The following FAT1 variants were observed in gnomAD, a reference collection of about 807,000 sequenced individuals.
FAT1 encodes the protein FAT atypical cadherin 1, also known as protocadherin Fat 1.
FAT1 carries 171 observed loss-of-function variants against 329.8 expected under a neutral mutation model. That is an observed-to-expected ratio of 0.52 (90% CI 0.46 to 0.59). The LOEUF (loss-of-function observed/expected upper bound fraction) is 0.59. Ranked by LOEUF, FAT1 falls within the 20% of genes least tolerant of loss-of-function variation. The pLI is 0.00. For synonymous variants in FAT1, 2,233 were observed against 2,228.6 expected (o/e 1.00, Z -0.06); for missense variants, 5,672 against 5,774.4 (o/e 0.98, Z 0.57).
At position 186,611,530 on chromosome 4, in the gene FAT1, C is replaced by T. The variant is rs2126467845; in HGVS notation, c.9709G>A (p.Ala3237Thr). 1 of 1,613,952 alleles carries T rather than the reference C, an allele frequency of 6.2e-7. No individual in the cohort carries two copies. Among genetic ancestry groups the T allele is most frequent in the South Asian group, 1.1e-5 (1 of 91,084 alleles). ...ACAAGAATGTCCTCAGACACGGTGG[C>T]ACCATATTCACGGTACTCAAACACA... ...PPVFEYREYG[A>T]TVSEDILVGT... Residue 3237 changes from alanine to threonine, a missense_variant, in exon 14 of 27, where the codon GCC (alanine) becomes ACC (threonine). By Grantham distance (58) the Ala-to-Thr change is moderately conservative. Transcript: ENST00000441802.
rs1162417164 is a variant in FAT1 at position 186,619,606 on chromosome 4, C to G, written c.6980G>C (p.Ser2327Thr). The G allele has an allele frequency of 6.2e-7, 1 of 1,613,928 alleles. No homozygotes were observed. Among genetic ancestry groups the G allele is most frequent in the Non-Finnish European group, 8.5e-7 (1 of 1,179,892 alleles). The change falls in exon 10 of 27, where the codon AGC becomes ACC. Residue 2327 changes from serine to threonine, a missense_variant. Physicochemically the swap from Ser to Thr is moderately conservative, Grantham distance 58. Transcript: ENST00000441802. ...GISYQMFGNH[S>T]KSHDHFHVDS... ...TACATGAAAATGATCATGACTCTTG[C>G]TGTGATTCCCAAACATCTGGTATGA...
chr4:186,713,088 A>G (rs1043356253), intron 1 of FAT1, among the ~76,000 whole-genome samples: 3 of 151,876 alleles, frequency 2.0e-5, no homozygotes, highest in African/African-American at 7.3e-5. Flanking sequence ...ACATTATACT[A>G]GATACAACTA....
rs2126702037 is a variant in FAT1, at chr4:186,709,164, T to C, written c.664A>G (p.Ile222Val). The change falls in exon 2 of 27, where the codon ATC becomes GTC. Residue 222 changes from isoleucine to valine, a missense_variant. Physicochemically the swap from Ile to Val is conservative, Grantham distance 29 (BLOSUM62 3). Transcript: ENST00000441802. ...YLETKLYEME[I>V]LAADRGMKLY... ...TTCATGCCACGGTCCGCAGCGAGGA[T>C]TTCCATCTCATAGAGCTTGGTCTCT... 6.2e-7 allele frequency: 1 copy of C among 1,613,994 alleles called. No homozygotes were observed. The highest frequency in any genetic ancestry group is 8.5e-7 in the Non-Finnish European group (1 of 1,179,870).
chr4:186,672,043 C>T (rs1217096229), intron 2 of FAT1, among the ~76,000 whole-genome samples: 1 of 152,080 alleles, frequency 6.6e-6, no homozygotes, highest in African/African-American at 2.4e-5. Context: ...TTTCCTTTCA[C>T]CTGAAGTTTA....
chr4:186,652,010 A>C (rs927592480), intron 3 of FAT1, among the ~76,000 whole-genome samples: 69 of 152,348 alleles, frequency 4.5e-4, no homozygotes, highest in Admixed American at 3.8e-3. Flanking sequence ...GAACTCATTT[A>C]GTTCAAACTT....
intron 2 of FAT1, among the ~76,000 whole-genome samples, chr4:186,676,464 G>A (rs1177362695): frequency 6.6e-6 from 1 of 152,064 alleles, no homozygotes; most frequent in African/African-American, 2.4e-5. Flanking sequence ...AGCATATAAG[G>A]AGAACTTAAG....
intron 3 of FAT1, among the ~76,000 whole-genome samples, chr4:186,656,176 T>C (rs149737068): frequency 1.4e-3 from 209 of 152,294 alleles, no homozygotes; most frequent in African/African-American, 4.9e-3. Flanking sequence ...CTCTGGGGCA[T>C]AGCTGTCCCC....
In FAT1 at chr4:186,588,734, G is replaced by C. The variant is rs1346306262; in HGVS notation, c.13625C>G (p.Ser4542Cys). 1 of 1,613,992 alleles carries C rather than the reference G, an allele frequency of 6.2e-7. No homozygotes were observed. The highest frequency in any genetic ancestry group is 1.1e-5 in the South Asian group (1 of 91,082). Residue 4542 changes from serine (S) to cysteine (C), a missense_variant, in exon 27 of 27, where the codon TCC becomes TGC. Physicochemically the swap from Ser to Cys is moderately radical, Grantham distance 112. This residue lies in a region of FAT1 where 1,706 missense variants were observed against 1,859.1 expected (regional missense o/e 0.92). Transcript: ENST00000441802. ...VESMPMSVYA[S>C]TASCSDVSAC... ...TGACACGTCAGAGCAGGAGGCGGTG[G>C]AGGCGTACACAGACATGGGCATGCT...
intron 26 of FAT1, among the ~76,000 whole-genome samples, chr4:186,591,400 G>A (rs942127914): frequency 2.0e-5 from 3 of 152,096 alleles, no homozygotes; most frequent in African/African-American, 4.8e-5. Context: ...TGAATACGCC[G>A]GCATTTAGGT....
intron 26 of FAT1, among the ~76,000 whole-genome samples, chr4:186,595,020 G>T (rs1437932757): frequency 6.6e-6 from 1 of 152,056 alleles, no homozygotes; most frequent in Admixed American, 6.5e-5. Context: ...CTACTGGTAT[G>T]TGTTAATATG....
intron 2 of FAT1, among the ~76,000 whole-genome samples, chr4:186,687,747 T>C (rs984703613): frequency 6.6e-6 from 1 of 152,244 alleles, no homozygotes; most frequent in Non-Finnish European, 1.5e-5. Context: ...AGTCTGTCTC[T>C]GTGCTGGCAC....
Position 186,618,369 on chromosome 4 carries a change from T to C in FAT1, c.8217A>G (p.Lys2739=), listed in dbSNP as rs1350392117. The C allele has an allele frequency of 6.2e-7, 1 of 1,614,028 alleles. No individual in the cohort carries two copies. Residue 2739 remains lysine (K), a synonymous_variant, in exon 10 of 27, where the codon AAA becomes AAG. Coordinates refer to ENST00000441802, the MANE Select transcript of FAT1 (RefSeq NM_005245.4). ...HSGTVLYSLV[K]GNTPESNRDE... ...CCCTATTGCTTTCTGGAGTATTCCC[T>C]TTGACCAGGCTGTAAAGAACAGTCC...
chr4:186,691,939 C>A lies in FAT1; in HGVS notation c.3265+14624G>T, dbSNP rs560385602. ...TTACTGTGGCTACTATTTTTTTTTA[C>A]CTATAATAATGATTATTTTTATGTG... On this transcript the variant is annotated intron_variant, in intron 2 of 26. Transcript: ENST00000441802. 1.7e-4 allele frequency among the ~76,000 whole-genome samples: 26 copies of A among 151,668 alleles called. No homozygotes were observed. In the South Asian group the frequency reaches 5.4e-3, roughly 32 times the overall value.
chr4:186,676,863 C>T (rs762709355), intron 2 of FAT1, among the ~76,000 whole-genome samples: 12 of 152,196 alleles, frequency 7.9e-5, no homozygotes, highest in Non-Finnish European at 1.5e-4. Flanking sequence ...AAAACCGCAA[C>T]TATTGCTCTC....
chr4:186,651,846 C>T (rs1213115529), intron 3 of FAT1, among the ~76,000 whole-genome samples: 1 of 152,210 alleles, frequency 6.6e-6, no homozygotes, highest in Non-Finnish European at 1.5e-5. Context: ...TGTCCTAAGA[C>T]CACACGTCAC....
In FAT1 at chr4:186,603,243, T is replaced by C. The variant is rs979758551; in HGVS notation, c.11283A>G (p.Thr3761=). 1.2e-6 allele frequency: 2 copies of C among 1,613,870 alleles called. No individual in the cohort carries two copies. The highest frequency in any genetic ancestry group is 3.3e-5 in the Admixed American group (2 of 59,994). Residue 3761 remains threonine (T), a synonymous_variant, in exon 19 of 27, where the codon ACA becomes ACG. Transcript: ENST00000441802. Reference sequence around the variant, plus strand: ...CAAAACTCAGTCTGGCTGTGCTGTGTGTTGACATCACACTTTCATCCACAG... The same window carrying C: ...CAAAACTCAGTCTGGCTGTGCTGTGCGTTGACATCACACTTTCATCCACAG... ...KVSVDESVMS[T]HSTARLSFVT... is the part of the protein sequence containing the mutation.
chr4:186,689,340 T>C (rs1743635929), intron 2 of FAT1, among the ~76,000 whole-genome samples: 2 of 152,216 alleles, frequency 1.3e-5, no homozygotes, highest in African/African-American at 4.8e-5. Flanking sequence ...CAAATGTTTA[T>C]CCTCAAAAAG....
At chr4:186,648,060 A>G (rs1449984223) in intron 3 of FAT1, among the ~76,000 whole-genome samples, 2 of 152,182 alleles carry the variant, frequency 1.3e-5, no homozygotes, top group Admixed American at 6.5e-5. Context: ...TGAGACATGC[A>G]TATGTGTGTA....
intron 2 of FAT1, among the ~76,000 whole-genome samples, chr4:186,665,020 T>A (rs1231019009): frequency 6.6e-6 from 1 of 152,260 alleles, no homozygotes; most frequent in East Asian, 1.9e-4. Flanking sequence ...ATTTTTTGAA[T>A]GAATGATAAT....
Sources: allele counts gnomAD v4.1 joint callset (sites outside exome capture counted in the v4.1 genomes callset), GRCh38; gene constraint gnomAD v4.1.1; regional missense constraint gnomAD v4.1.1; transcripts MANE v1.5; gene names NCBI Gene and HGNC (gene_info 2026-07-23, HGNC 2026-07-21).